The following PLCH1 variants were observed in gnomAD, a reference collection of about 807,000 sequenced individuals.
PLCH1 encodes phospholipase C eta 1, also known as 1-phosphatidylinositol 4,5-bisphosphate phosphodiesterase eta-1.
PLCH1 carries 60 observed loss-of-function variants against 126.7 expected under a neutral mutation model. The observed-to-expected ratio is 0.47, with a 90% CI of 0.38 to 0.59. PLCH1 has a LOEUF of 0.59. PLCH1 is among the 20% of genes least tolerant of loss of function. PLCH1 has a pLI of 0.00. For synonymous variants in PLCH1, 719 were observed against 734.9 expected (o/e 0.98, Z 0.35); for missense variants, 1,723 against 2,040.0 (o/e 0.84, Z 2.99).
At chr3:155,613,966 C>T (rs1175687098) in intron 2 of PLCH1, among the ~76,000 whole-genome samples, 1 of 152,156 alleles carries the variant, frequency 6.6e-6, no homozygotes, top group African/African-American at 2.4e-5. Context: ...AATACAAAAT[C>T]AATGTACACA....
rs1162846300 is a variant in PLCH1 at position 155,566,260 on chromosome 3, CACATATATATACATATAT to C, written c.866-1160_866-1143del. Among the ~76,000 whole-genome samples, 9 of 58,824 alleles carry C rather than the reference CACATATATATACATATAT, an allele frequency of 1.5e-4. 1 individual carries two copies. Among genetic ancestry groups the C allele is most frequent in the East Asian group, 6.0e-4 (1 of 1,660 alleles). The allele number at this position is 58,824 out of a possible 152,430, so 38.6% of individuals were successfully genotyped here. On this transcript the variant is annotated intron_variant, in intron 7 of 22. Transcript: ENST00000460012. ...ATATACATATATATACGTATATATACACATATATATACATATATACATATATATACGTATATATACACA... is the reference window on the plus strand; with the variant it reads ...ATATACATATATATACGTATATATACACATATATATACGTATATATACACA...
chr3:155,594,081 G>A lies in PLCH1; in HGVS notation c.330C>T (p.Tyr110=), dbSNP rs1577092149. 1.2e-6 allele frequency: 2 copies of A among 1,614,082 alleles called. No individual in the cohort carries two copies. The highest frequency in any genetic ancestry group is 2.2e-5 in the East Asian group (1 of 44,850). The change falls in exon 4 of 23, where the codon TAC becomes TAT. Residue 110 remains tyrosine, a synonymous_variant. Coordinates refer to ENST00000460012, the MANE Select transcript of PLCH1 (RefSeq NM_014996.4). ...NFDPSCCFTI[Y]HGNHMESLDL... ...CCAGGGACTCCATGTGGTTGCCATG[G>A]TAGATGGTGAAGCAGCAGCTGGGGT... is the stretch of plus-strand genomic sequence containing the variant.
chr3:155,712,432 T>C (rs1042607222), intron 1 of PLCH1, among the ~76,000 whole-genome samples: 6 of 152,224 alleles, frequency 3.9e-5, no homozygotes, highest in African/African-American at 7.2e-5. Flanking sequence ...CGCAAATCTA[T>C]ATTGCTGCTT....
At chr3:155,536,023 C>A (rs1723308066) in intron 10 of PLCH1, among the ~76,000 whole-genome samples, 1 of 152,140 alleles carries the variant, frequency 6.6e-6, no homozygotes, top group South Asian at 2.1e-4. Flanking sequence ...TCCTGAGTAC[C>A]AGGCTGGAGC....
Position 155,588,074 on chromosome 3 carries a change from C to T in PLCH1, c.471-1880G>A, listed in dbSNP as rs541744290. Among the ~76,000 whole-genome samples, 4 of 152,210 alleles carry T rather than the reference C, an allele frequency of 2.6e-5. No homozygotes were observed. The South Asian group carries it at 8.3e-4, about 32-fold the overall frequency. On this transcript the variant is annotated intron_variant, in intron 4 of 22. Coordinates refer to ENST00000460012, the MANE Select transcript of PLCH1 (RefSeq NM_014996.4). ...CATTTCTATGCGATTCAAATTATGACTGTAGAAGATTATACCTCAGAAAGT... is the reference window on the plus strand; with the variant it reads ...CATTTCTATGCGATTCAAATTATGATTGTAGAAGATTATACCTCAGAAAGT...
intron 15 of PLCH1, among the ~76,000 whole-genome samples, chr3:155,495,699 A>C (rs1399760115): frequency 6.6e-6 from 1 of 152,210 alleles, no homozygotes; most frequent in Admixed American, 6.5e-5. Context: ...GTACACCCTT[A>C]GATGTTAGAT....
At chr3:155,591,877 T>G (rs1038491682) in intron 4 of PLCH1, among the ~76,000 whole-genome samples, 1 of 152,072 alleles carries the variant, frequency 6.6e-6, no homozygotes, top group African/African-American at 2.4e-5. Context: ...GCTAATCTTT[T>G]TAATTGTTTG....
At chr3:155,738,434 G>T (rs1749362290) in intron 1 of PLCH1, among the ~76,000 whole-genome samples, 1 of 152,110 alleles carries the variant, frequency 6.6e-6, no homozygotes, top group South Asian at 2.1e-4. Flanking sequence ...TTGAGCACAG[G>T]AGTTCGAGAC....
intron 1 of PLCH1, among the ~76,000 whole-genome samples, chr3:155,734,882 T>C (rs543714550): frequency 6.6e-6 from 1 of 152,096 alleles, no homozygotes; most frequent in Non-Finnish European, 1.5e-5. Flanking sequence ...CTAATTTTTT[T>C]GTATTTTTAG....
intron 1 of PLCH1, among the ~76,000 whole-genome samples, chr3:155,712,272 C>A (rs28415967): frequency 0.24 from 35,809 of 152,144 alleles, 4,498 homozygotes; most frequent in African/African-American, 0.32. Context: ...TATTTTCTTT[C>A]TTGGGCTTTC....
intron 1 of PLCH1, among the ~76,000 whole-genome samples, chr3:155,724,889 A>C (rs772122876): frequency 6.7e-6 from 1 of 148,952 alleles, no homozygotes; most frequent in Admixed American, 6.8e-5. Flanking sequence ...TTTATGCTTT[A>C]AGAAGGTTCT....
At chr3:155,513,734 T>C (rs1719925694) in intron 12 of PLCH1, among the ~76,000 whole-genome samples, 1 of 152,220 alleles carries the variant, frequency 6.6e-6, no homozygotes. Flanking sequence ...GTATTCCATC[T>C]GCCCCTCTAA....
At chr3:155,624,363 C>T (rs1736962328) in intron 2 of PLCH1, among the ~76,000 whole-genome samples, 1 of 152,158 alleles carries the variant, frequency 6.6e-6, no homozygotes, top group Non-Finnish European at 1.5e-5. Context: ...CCCTCTCTCA[C>T]CACTCCTATT....
intron 1 of PLCH1, among the ~76,000 whole-genome samples, chr3:155,730,833 G>A (rs1256720296): frequency 6.6e-5 from 10 of 152,196 alleles, no homozygotes; most frequent in African/African-American, 2.4e-4. Flanking sequence ...TTAACCACAG[G>A]CAGCACAGTG....
intron 13 of PLCH1, among the ~76,000 whole-genome samples, chr3:155,503,274 A>G (rs1028034381): frequency 6.6e-6 from 1 of 152,120 alleles, no homozygotes; most frequent in East Asian, 1.9e-4. Flanking sequence ...TCTACTCTAT[A>G]GGGTTTCTTT....
rs185702828 is a variant in PLCH1 at position 155,530,225 on chromosome 3, G to T, written c.1363-6221C>A. ...CCTTCCTAATGCTTTATCAACTAAG[G>T]TTTTGTACACCTCAAGAACCCACTT... On this transcript the variant is annotated intron_variant, in intron 10 of 22. Coordinates refer to ENST00000460012, the MANE Select transcript of PLCH1 (RefSeq NM_014996.4). Among the ~76,000 whole-genome samples, 10 of 152,014 alleles carry T rather than the reference G, an allele frequency of 6.6e-5. No individual in the cohort carries two copies. In the East Asian group the frequency reaches 1.9e-3, roughly 29 times the overall value.
intron 2 of PLCH1, among the ~76,000 whole-genome samples, chr3:155,646,868 C>G (rs1740121398): frequency 6.6e-6 from 1 of 152,138 alleles, no homozygotes; most frequent in African/African-American, 2.4e-5. Context: ...CTAAATAAAG[C>G]AATGAAGCAC....
intron 1 of PLCH1, among the ~76,000 whole-genome samples, chr3:155,708,727 T>C (rs1746872014): frequency 6.6e-6 from 1 of 152,250 alleles, no homozygotes; most frequent in South Asian, 2.1e-4. Flanking sequence ...ATCACCTTTT[T>C]TTTCTTTTCA....
chr3:155,510,179 C>T (rs1394072313), intron 12 of PLCH1, among the ~76,000 whole-genome samples: 1 of 102,930 alleles, frequency 9.7e-6, no homozygotes, highest in Non-Finnish European at 1.8e-5. Flanking sequence ...AATTGCAACC[C>T]CTGCCTTTTT....
Sources: allele counts gnomAD v4.1 joint callset (sites outside exome capture counted in the v4.1 genomes callset), GRCh38; gene constraint gnomAD v4.1.1; transcripts MANE v1.5; gene names NCBI Gene and HGNC (gene_info 2026-07-23, HGNC 2026-07-21).